The following FSTL4 variants were observed in gnomAD, a reference collection of about 807,000 sequenced individuals.
FSTL4 encodes the protein follistatin-related protein 4.
Under a neutral mutation model 78.2 loss-of-function variants are expected in FSTL4, and 28 were observed. That is an observed-to-expected ratio of 0.36 (90% CI 0.27 to 0.49). The LOEUF is 0.49. Among genes scored for constraint, FSTL4 ranks in the 20% least tolerant of loss-of-function variants. The pLI, the probability that FSTL4 is intolerant of heterozygous loss-of-function variation, is 0.98. For synonymous variants in FSTL4, 422 were observed against 440.5 expected (o/e 0.96, Z 0.53); for missense variants, 922 against 1,084.9 (o/e 0.85, Z 2.11).
intron 3 of FSTL4, among the ~76,000 whole-genome samples, chr5:133,542,597 A>G (rs978052353): frequency 6.6e-6 from 1 of 152,202 alleles, no homozygotes; most frequent in African/African-American, 2.4e-5. Context: ...TTGTGGGAAG[A>G]TTTCCAGTTA....
intron 4 of FSTL4, among the ~76,000 whole-genome samples, chr5:133,359,658 C>T (rs1755027607): frequency 6.6e-6 from 1 of 152,200 alleles, no homozygotes; most frequent in African/African-American, 2.4e-5. Flanking sequence ...AATTTAGCCA[C>T]TTATTGTTGG....
the FSTL4 span, among the ~76,000 whole-genome samples, chr5:133,650,874 T>A: frequency 1.8e-4 from 28 of 152,226 alleles, no homozygotes; most frequent in Non-Finnish European, 3.5e-4. Context: ...AGTCTTTCTA[T>A]CCAGGAACAT....
At chr5:133,339,413 T>C (rs1468324665) in intron 4 of FSTL4, among the ~76,000 whole-genome samples, 2 of 152,106 alleles carry the variant, frequency 1.3e-5, no homozygotes, top group African/African-American at 2.4e-5. Flanking sequence ...CTTTCCTGCA[T>C]GTCACTATCC....
At chr5:133,675,871 T>C in the FSTL4 span, among the ~76,000 whole-genome samples, 2 of 152,180 alleles carry the variant, frequency 1.3e-5, no homozygotes, top group Non-Finnish European at 2.9e-5. Flanking sequence ...CTCCTGAGGC[T>C]AGCCAGGGGA....
rs537713325 is a variant in FSTL4 at position 133,304,464 on chromosome 5, A to T, written c.727+8190T>A. The stretch of plus-strand genomic sequence containing the variant: ...CCCCGTTCCTGCCTCTCCCTCCAAG[A>T]GGAGGGTTTAAAAAAATCACCAAAG... On this transcript the variant is annotated intron_variant, in intron 6 of 15. Coordinates refer to ENST00000265342, the MANE Select transcript of FSTL4 (RefSeq NM_015082.2). Among the ~76,000 whole-genome samples, 7 of 152,168 alleles carry T rather than the reference A, an allele frequency of 4.6e-5. No homozygotes were observed. The South Asian group carries it at 1.5e-3, about 32-fold the overall frequency.
At chr5:133,540,925 C>G (rs913568436) in intron 3 of FSTL4, among the ~76,000 whole-genome samples, 3 of 152,118 alleles carry the variant, frequency 2.0e-5, no homozygotes, top group African/African-American at 7.2e-5. Context: ...CTTCTTGGAA[C>G]ATTTTCCTCC....
Position 133,611,488 on chromosome 5 carries a change from G to A in FSTL4, c.-11+837C>T, listed in dbSNP as rs1761090815. Among the ~76,000 whole-genome samples the A allele has an allele frequency of 6.6e-6, 1 of 152,224 alleles. No individual in the cohort carries two copies. Among genetic ancestry groups the A allele is most frequent in the Admixed American group, 6.5e-5 (1 of 15,288 alleles). On this transcript the variant is annotated intron_variant, in intron 1 of 15. Transcript: ENST00000265342. This position sits in a 1 kb window ranked among gnomAD's most constrained non-coding sequence, Gnocchi z 4.9. ...TGCCTGCCTCGTCCAGGTCCCTCCTGAAACTCAGAACTCGTCTTTGTTTTG... is the reference window on the plus strand; with the variant it reads ...TGCCTGCCTCGTCCAGGTCCCTCCTAAAACTCAGAACTCGTCTTTGTTTTG...
intron 3 of FSTL4, among the ~76,000 whole-genome samples, chr5:133,425,005 C>G (rs1756779966): frequency 6.6e-6 from 1 of 152,144 alleles, no homozygotes; most frequent in Non-Finnish European, 1.5e-5. Flanking sequence ...AGCAACATTT[C>G]TTATGCGCAT....
chr5:133,200,438 T>C (rs1258578124), intron 15 of FSTL4, among the ~76,000 whole-genome samples: 2 of 152,242 alleles, frequency 1.3e-5, no homozygotes, highest in Non-Finnish European at 2.9e-5. Context: ...CGGAGCCAGA[T>C]GGCCTGGTGC....
chr5:133,579,249 T>C (rs985355360), intron 2 of FSTL4, among the ~76,000 whole-genome samples: 5 of 152,200 alleles, frequency 3.3e-5, no homozygotes, highest in Non-Finnish European at 5.9e-5. Context: ...CACATTCTAT[T>C]GCTAGAATGA....
the FSTL4 span, among the ~76,000 whole-genome samples, chr5:133,805,570 AATAG>A: frequency 3.0e-3 from 455 of 152,316 alleles, 3 homozygotes; most frequent in African/African-American, 0.01. Context: ...AAAGAAAATA[AATAG>A]AAAGAGATCA....
chr5:133,355,845 C>T (rs181918442), intron 4 of FSTL4, among the ~76,000 whole-genome samples: 262 of 152,324 alleles, frequency 1.7e-3, no homozygotes, highest in Middle Eastern at 0.01. Flanking sequence ...CTTCACACTC[C>T]TGAGAAACTC....
At chr5:133,219,262 C>A (rs1581536810) in intron 12 of FSTL4, among the ~76,000 whole-genome samples, 1 of 152,216 alleles carries the variant, frequency 6.6e-6, no homozygotes, top group Non-Finnish European at 1.5e-5. Context: ...GCTTGGTTCT[C>A]TCATGCCACC....
intron 4 of FSTL4, among the ~76,000 whole-genome samples, chr5:133,392,139 C>G (rs1446188992): frequency 6.6e-6 from 1 of 152,158 alleles, no homozygotes; most frequent in Non-Finnish European, 1.5e-5. Context: ...ACCCGGGGCT[C>G]AGAGAATAGC....
chr5:133,439,609 A>C (rs1443437471), intron 3 of FSTL4, among the ~76,000 whole-genome samples: 3 of 152,206 alleles, frequency 2.0e-5, no homozygotes, highest in Admixed American at 6.5e-5. Context: ...GGTAACTGGG[A>C]GAGTCCCTTC....
chr5:133,350,999 G>A (rs1397107200), intron 4 of FSTL4, among the ~76,000 whole-genome samples: 1 of 152,218 alleles, frequency 6.6e-6, no homozygotes, highest in African/African-American at 2.4e-5. Context: ...TCAAGATTTT[G>A]TTACTAAAGG....
At chr5:133,637,247 C>T in the FSTL4 span, among the ~76,000 whole-genome samples, 2 of 151,976 alleles carry the variant, frequency 1.3e-5, no homozygotes, top group African/African-American at 4.8e-5. Context: ...TTTCTTCTCC[C>T]TGAAACCTAC....
chr5:133,259,209 C>G (rs1752455696), intron 6 of FSTL4, among the ~76,000 whole-genome samples: 3 of 152,020 alleles, frequency 2.0e-5, no homozygotes, highest in South Asian at 4.2e-4. Context: ...TGGCGGAAAG[C>G]CTCTTTGAGT....
chr5:133,682,422 G>C, the FSTL4 span, among the ~76,000 whole-genome samples: 1 of 152,232 alleles, frequency 6.6e-6, no homozygotes, highest in Non-Finnish European at 1.5e-5. Context: ...ACCTAGAATA[G>C]CATAAAGCCC....
Sources: gnomAD v4.1 joint callset for allele counts (sites outside exome capture counted in the v4.1 genomes callset) on GRCh38, gnomAD v4.1.1 for gene constraint, Gnocchi (gnomAD v3.1) non-coding constraint, MANE v1.5 for transcripts, NCBI Gene and HGNC (gene_info 2026-07-23, HGNC 2026-07-21) for gene names.